Variants in CHCHD3 observed in about 807,000 individuals in gnomAD.
The protein encoded by CHCHD3 is coiled-coil-helix-coiled-coil-helix domain containing 3, also known as MICOS complex subunit MIC19.
A neutral mutation model predicts 38.2 loss-of-function variants in CHCHD3; 20 were observed. The observed-to-expected ratio is 0.52, with a 90% confidence interval of 0.37 to 0.76. The LOEUF (loss-of-function observed/expected upper bound fraction) is 0.76. Among genes scored for constraint, CHCHD3 ranks in the 30% least tolerant of loss-of-function variants. CHCHD3 has a pLI of 0.00. For synonymous variants in CHCHD3, 82 were observed against 100.0 expected (o/e 0.82, Z 1.07); for missense variants, 245 against 279.2 (o/e 0.88, Z 0.87).
chr7:132,846,134 G>T (rs557165050), intron 5 of CHCHD3, among the ~76,000 whole-genome samples: 1 of 152,302 alleles, frequency 6.6e-6, no homozygotes, highest in South Asian at 2.1e-4. Context: ...CTTCTCTCAT[G>T]ATGAGAGTAT....
chr7:132,871,937 GA>G (rs901925109), intron 5 of CHCHD3, among the ~76,000 whole-genome samples: 14 of 152,040 alleles, frequency 9.2e-5, no homozygotes, highest in African/African-American at 2.9e-4. Context: ...TAAAGTTGGG[GA>G]AAAAAAAGTA....
intron 5 of CHCHD3, among the ~76,000 whole-genome samples, chr7:132,844,277 G>A (rs6962553): frequency 0.24 from 36,252 of 152,012 alleles, 4,460 homozygotes; most frequent in South Asian, 0.26. Flanking sequence ...CAGCCTTGGC[G>A]ACAGAGCAAG....
chr7:132,997,395 A>G (rs1220281125), intron 3 of CHCHD3, among the ~76,000 whole-genome samples: 1 of 152,146 alleles, frequency 6.6e-6, no homozygotes, highest in Non-Finnish European at 1.5e-5. Context: ...GTAAAATATA[A>G]TCAGTATTTC....
chr7:132,911,558 T>C (rs995467742), intron 4 of CHCHD3, among the ~76,000 whole-genome samples: 10 of 152,230 alleles, frequency 6.6e-5, no homozygotes, highest in African/African-American at 2.4e-4. Context: ...CAGAAGTTTG[T>C]TGTAGAAGTG....
At chr7:132,839,107 G>A (rs982914171) in intron 5 of CHCHD3, among the ~76,000 whole-genome samples, 15 of 151,860 alleles carry the variant, frequency 9.9e-5, no homozygotes, top group Admixed American at 5.9e-4. Flanking sequence ...CAGGAGAATC[G>A]CTTGAACCCG....
chr7:132,861,234 AACTGGAGGAAG>A (rs1253107509), intron 5 of CHCHD3, among the ~76,000 whole-genome samples: 1 of 152,138 alleles, frequency 6.6e-6, no homozygotes, highest in African/African-American at 2.4e-5. Context: ...TCCCGAGGAA[AACTGGAGGAAG>A]ACTGGTGGCT....
chr7:132,955,175 T>G (rs10954399), intron 4 of CHCHD3, among the ~76,000 whole-genome samples: 23 of 102,356 alleles, frequency 2.2e-4, no homozygotes, highest in African/African-American at 4.5e-4. Flanking sequence ...CCTCAGAGGG[T>G]GTGTGTGTGT....
At chr7:132,950,439 G>A (rs1003791780) in intron 4 of CHCHD3, among the ~76,000 whole-genome samples, 4 of 151,892 alleles carry the variant, frequency 2.6e-5, no homozygotes, top group Admixed American at 6.6e-5. Flanking sequence ...AATAAATAAC[G>A]AGCCTAATAT....
chr7:132,882,899 G>T (rs553795282), intron 5 of CHCHD3, among the ~76,000 whole-genome samples: 1 of 152,218 alleles, frequency 6.6e-6, no homozygotes, highest in Admixed American at 6.5e-5. Flanking sequence ...ATCTCATCTT[G>T]AATTGTGATA....
chr7:132,974,475 C>G lies in CHCHD3; in HGVS notation c.369+694G>C, dbSNP rs553160122. Among the ~76,000 whole-genome samples, 4 of 152,292 alleles carry G rather than the reference C, an allele frequency of 2.6e-5. No homozygotes were observed. The East Asian group carries it at 7.7e-4, about 29-fold the overall frequency. On this transcript the variant is annotated intron_variant, in intron 4 of 7. Coordinates refer to ENST00000262570, the MANE Select transcript of CHCHD3 (RefSeq NM_017812.4). ...TTGATCAAACCTTACTCACCTTTGC[C>G]AGAGTCTTCCAGACTAACATCTGGT...
intron 4 of CHCHD3, among the ~76,000 whole-genome samples, chr7:132,955,522 T>C (rs1237030619): frequency 6.6e-6 from 1 of 151,444 alleles, no homozygotes; most frequent in Non-Finnish European, 1.5e-5. Flanking sequence ...TTTTTGTTTG[T>C]TTGTTTTTTG....
At chr7:132,968,409 G>A (rs148948493) in intron 4 of CHCHD3, among the ~76,000 whole-genome samples, 97 of 152,182 alleles carry the variant, frequency 6.4e-4, no homozygotes, top group African/African-American at 2.3e-3. Context: ...CACCTAAATG[G>A]CCCAAATCCT....
intron 5 of CHCHD3, among the ~76,000 whole-genome samples, chr7:132,864,453 T>C (rs1377663216): frequency 2.6e-5 from 4 of 152,094 alleles, no homozygotes; most frequent in South Asian, 2.1e-4. Flanking sequence ...CCATAGCATA[T>C]ATAACAACAA....
At chr7:132,864,660 T>C (rs1435748456) in intron 5 of CHCHD3, among the ~76,000 whole-genome samples, 6 of 152,098 alleles carry the variant, frequency 3.9e-5, no homozygotes, top group Non-Finnish European at 1.5e-5. Flanking sequence ...CTTGGACAAA[T>C]AAGAGAAATG....
intron 2 of CHCHD3, among the ~76,000 whole-genome samples, chr7:133,037,816 A>G (rs774602031): frequency 2.6e-5 from 4 of 152,210 alleles, no homozygotes; most frequent in Non-Finnish European, 4.4e-5. Flanking sequence ...TGTCTCAGAA[A>G]AAATAAATAC....
chr7:132,904,675 C>T (rs962791907), intron 4 of CHCHD3, among the ~76,000 whole-genome samples: 1 of 152,292 alleles, frequency 6.6e-6, no homozygotes, highest in South Asian at 2.1e-4. Context: ...CTGTGGAAGG[C>T]AGTGTGGCGA....
chr7:133,039,511 T>C (rs1321301722), intron 2 of CHCHD3, among the ~76,000 whole-genome samples: 8 of 152,164 alleles, frequency 5.3e-5, no homozygotes, highest in Non-Finnish European at 1.2e-4. Context: ...TTCAGACAGG[T>C]GAGAAAATGA....
chr7:132,939,758 C>A (rs925350844), intron 4 of CHCHD3, among the ~76,000 whole-genome samples: 2 of 152,146 alleles, frequency 1.3e-5, no homozygotes, highest in African/African-American at 4.8e-5. Context: ...CTTCCAAGTT[C>A]AAATAAACTA....
chr7:132,937,848 A>G (rs1810668263), intron 4 of CHCHD3, among the ~76,000 whole-genome samples: 1 of 152,228 alleles, frequency 6.6e-6, no homozygotes, highest in African/African-American at 2.4e-5. Flanking sequence ...ATTTAATATG[A>G]TGGCTGGTAT....
Sources: allele counts gnomAD v4.1 joint callset (sites outside exome capture counted in the v4.1 genomes callset), GRCh38; gene constraint gnomAD v4.1.1; transcripts MANE v1.5; gene names NCBI Gene and HGNC (gene_info 2026-07-23, HGNC 2026-07-21).